The following FLACC1 variants were observed in gnomAD, a reference collection of about 807,000 sequenced individuals.
FLACC1 encodes flagellum-associated coiled-coil domain-containing protein 1.
In FLACC1, 66 loss-of-function variants were observed where a neutral mutation model predicts 62.8. The observed-to-expected ratio is 1.05, with a 90% CI of 0.86 to 1.29. FLACC1 has a LOEUF of 1.29. Among genes scored for constraint, FLACC1 ranks in the 50% most tolerant of loss-of-function variants. The pLI is 0.00. For missense variants in FLACC1, 452 were observed against 489.1 expected, an observed-to-expected ratio of 0.92 and a Z score of 0.71; for synonymous variants, 156 against 161.0, an observed-to-expected ratio of 0.97 and a Z score of 0.24.
intron 9 of FLACC1, among the ~76,000 whole-genome samples, chr2:201,311,643 A>G (rs1292743002): frequency 1.3e-5 from 2 of 149,646 alleles, no homozygotes; most frequent in African/African-American, 4.9e-5. Context: ...TGAGGCTTCA[A>G]TGAGCTGTGA....
chr2:201,300,822 T>A (rs1187591844), intron 11 of FLACC1, among the ~76,000 whole-genome samples: 1 of 152,078 alleles, frequency 6.6e-6, no homozygotes, highest in Non-Finnish European at 1.5e-5. Flanking sequence ...GGGTCTGGAG[T>A]GGACCTCCAG....
rs1247404742 is a variant in FLACC1, at chr2:201,288,801, A to C, written c.1143-20T>G. 6.2e-7 allele frequency: 1 copy of C among 1,610,726 alleles called. No individual in the cohort carries two copies. The highest frequency in any genetic ancestry group is 1.1e-5 in the South Asian group (1 of 91,042). On this transcript the variant is annotated intron_variant, in intron 14 of 14. Coordinates refer to ENST00000392257, the MANE Select transcript of FLACC1 (RefSeq NM_001127391.3). ...TTTTGCCTGTAAAAAGAAAGGAAAGATGTATCAATGTCAACTCAAAAGCTA... is the reference window on the plus strand; with the variant it reads ...TTTTGCCTGTAAAAAGAAAGGAAAGCTGTATCAATGTCAACTCAAAAGCTA...
chr2:201,358,815 C>A (rs1474054263), upstream of FLACC1, among the ~76,000 whole-genome samples: 1 of 152,174 alleles, frequency 6.6e-6, no homozygotes, highest in Non-Finnish European at 1.5e-5. Flanking sequence ...CCTGCTTCGG[C>A]CTCCCAAAGT....
chr2:201,295,045 C>T (rs1320389970), intron 12 of FLACC1, among the ~76,000 whole-genome samples: 1 of 152,164 alleles, frequency 6.6e-6, no homozygotes, highest in Non-Finnish European at 1.5e-5. Flanking sequence ...ATTCCATGCT[C>T]ATGGATAGGA....
At chr2:201,320,946 T>C (rs1358098385) in intron 9 of FLACC1, among the ~76,000 whole-genome samples, 1 of 152,204 alleles carries the variant, frequency 6.6e-6, no homozygotes, top group Admixed American at 6.5e-5. Flanking sequence ...CAGCATCTCC[T>C]GGTAGAATAA....
chr2:201,292,455 A>C (rs1181471216), intron 12 of FLACC1, among the ~76,000 whole-genome samples: 1 of 152,162 alleles, frequency 6.6e-6, no homozygotes, highest in Non-Finnish European at 1.5e-5. Context: ...GAAATAAAAT[A>C]CTTTACAGAC....
intron 12 of FLACC1, among the ~76,000 whole-genome samples, chr2:201,296,519 G>C (rs1484025883): frequency 8.1e-6 from 1 of 123,620 alleles, no homozygotes; most frequent in Non-Finnish European, 1.7e-5. Flanking sequence ...TTGTGGGGTG[G>C]GGGGAGGGGG....
chr2:201,342,318 C>T (rs545855998), intron 7 of FLACC1, 52 bp downstream of exon 7: 45 of 1,581,712 alleles, frequency 2.8e-5, no homozygotes, highest in African/African-American at 2.3e-4. Context: ...GCAAAGGATG[C>T]GGGACCCTTA....
chr2:201,324,003 T>A (rs997792418), intron 9 of FLACC1, among the ~76,000 whole-genome samples: 21 of 151,986 alleles, frequency 1.4e-4, no homozygotes, highest in African/African-American at 5.1e-4. Flanking sequence ...GTACTTCACA[T>A]CTCAATATTA....
At chr2:201,339,137 C>T (rs561421097) in intron 7 of FLACC1, among the ~76,000 whole-genome samples, 1 of 152,186 alleles carries the variant, frequency 6.6e-6, no homozygotes, top group Non-Finnish European at 1.5e-5. Flanking sequence ...CCTGATTCAT[C>T]TTGTTAGATT....
At chr2:201,343,084 A>AGGGACTGTTGTGTGAC (rs1553616143) in intron 6 of FLACC1, among the ~76,000 whole-genome samples, 2 of 152,182 alleles carry the variant, frequency 1.3e-5, no homozygotes. Context: ...GGACTGTGTC[A>AGGGACTGTTGTGTGAC]CACAACAAGT....
chr2:201,336,254 G>T (rs549869150), intron 7 of FLACC1, among the ~76,000 whole-genome samples: 1 of 152,256 alleles, frequency 6.6e-6, no homozygotes, highest in South Asian at 2.1e-4. Context: ...GTGAAAATAT[G>T]CAGTATTTGG....
At chr2:201,312,061 C>T (rs1458654680) in intron 9 of FLACC1, among the ~76,000 whole-genome samples, 1 of 152,136 alleles carries the variant, frequency 6.6e-6, no homozygotes, top group East Asian at 1.9e-4. Context: ...TTCAACATAG[C>T]ACTGGAAGTA....
rs199592433 is a variant in FLACC1, at chr2:201,351,446, C to T, written c.-42G>A. 6 of 1,450,780 alleles carry T rather than the reference C, an allele frequency of 4.1e-6. No homozygotes were observed. In the Admixed American group the frequency reaches 8.8e-5, roughly 21 times the overall value. 89.9% of individuals were successfully genotyped at this position (1,450,780 alleles called of 1,614,324 possible). A position where few individuals can be genotyped will look rare whatever the true frequency, so the allele number is the denominator to read the frequency against. On this transcript the variant is annotated 5_prime_UTR_variant, in exon 2 of 15. Coordinates refer to ENST00000392257, the MANE Select transcript of FLACC1 (RefSeq NM_001127391.3). ...GAGTCTTGGCTGCTAGATCAGGAGG[C>T]TCTTGCTGAAATTGAAAAACAACAG...
chr2:201,335,550 T>C (rs1950677264), intron 7 of FLACC1, among the ~76,000 whole-genome samples: 1 of 152,202 alleles, frequency 6.6e-6, no homozygotes, highest in African/African-American at 2.4e-5. Flanking sequence ...TGTCTGTTTT[T>C]TTATGCCAGT....
intron 1 of FLACC1, 150 bp downstream of exon 1, chr2:201,356,832 C>T (rs145519380): frequency 5.9e-5 from 9 of 152,200 alleles, no homozygotes; most frequent in Non-Finnish European, 1.2e-4. Context: ...CCCCTTTTTT[C>T]CCTTTCCTGC....
At chr2:201,355,855 T>C (rs565078416) in intron 1 of FLACC1, among the ~76,000 whole-genome samples, 1 of 152,172 alleles carries the variant, frequency 6.6e-6, no homozygotes, top group African/African-American at 2.4e-5. Flanking sequence ...CAAGACCCTG[T>C]CTCTAAAAAA....
intron 1 of FLACC1, among the ~76,000 whole-genome samples, chr2:201,356,747 TGCATTTACA>T (rs1951125629): frequency 6.6e-6 from 1 of 152,228 alleles, no homozygotes; most frequent in Non-Finnish European, 1.5e-5. Context: ...CAGATAGATC[TGCATTTACA>T]GTGGCTTGAC....
intron 3 of FLACC1, among the ~76,000 whole-genome samples, chr2:201,349,748 T>A (rs1230334760): frequency 6.6e-6 from 1 of 152,188 alleles, no homozygotes; most frequent in Non-Finnish European, 1.5e-5. Context: ...AGGACAGTAA[T>A]CAGCTAAAGA....
Sources: gnomAD v4.1 joint callset for allele counts (sites outside exome capture counted in the v4.1 genomes callset) on GRCh38, gnomAD v4.1.1 for gene constraint, MANE v1.5 for transcripts, NCBI Gene and HGNC (gene_info 2026-07-23, HGNC 2026-07-21) for gene names.